DHX15: variants seen among roughly 807,000 people sequenced by gnomAD.
DHX15 encodes the protein DEAH-box helicase 15.
A neutral mutation model predicts 94.4 loss-of-function variants in DHX15; 11 were observed. The ratio of observed to expected loss-of-function variants is 0.12; its 90% CI spans 0.07 to 0.19. The LOEUF (loss-of-function observed/expected upper bound fraction) is 0.19, where lower values mean the gene tolerates loss of function less well. Ranked by LOEUF, DHX15 falls within the 10% of genes least tolerant of loss-of-function variation. The probability of loss-of-function intolerance (pLI) is 1.00; values close to 1 mark genes in which losing one functional copy is unlikely to be tolerated. For missense variants in DHX15, 304 were observed against 988.5 expected (o/e 0.31, Z 9.29); for synonymous variants, 338 against 329.9 (o/e 1.02, Z -0.27).
At chr4:24,528,437 C>T (rs1484161558) in intron 13 of DHX15, among the ~76,000 whole-genome samples, 1 of 152,146 alleles carries the variant, frequency 6.6e-6, no homozygotes, top group Non-Finnish European at 1.5e-5. Context: ...TTTTCATTTT[C>T]AATGTTTTAA....
intron 3 of DHX15, among the ~76,000 whole-genome samples, chr4:24,563,729 C>T (rs1001315068): frequency 1.8e-4 from 27 of 152,142 alleles, no homozygotes; most frequent in African/African-American, 6.0e-4. Context: ...CTTTTGATGT[C>T]GTATTTGTGG....
At chr4:24,550,121 A>C (rs1350509467) in intron 5 of DHX15, among the ~76,000 whole-genome samples, 2 of 132,372 alleles carry the variant, frequency 1.5e-5, no homozygotes, top group Middle Eastern at 4.0e-3. Flanking sequence ...AAAAAAAAAA[A>C]AACGGTAAAA....
chr4:24,546,334 A>G (rs1384592640), intron 6 of DHX15, among the ~76,000 whole-genome samples: 1 of 152,228 alleles, frequency 6.6e-6, no homozygotes, highest in Non-Finnish European at 1.5e-5. Flanking sequence ...AGCGAAATGT[A>G]GGATCAACTA....
intron 5 of DHX15, 74 bp from the exon 6 acceptor site, chr4:24,549,096 C>A: frequency 7.7e-7 from 1 of 1,305,960 alleles, no homozygotes; most frequent in Non-Finnish European, 1.0e-6. Flanking sequence ...TAGTTCTATG[C>A]AGTCTGTTTT....
intron 10 of DHX15, chr4:24,538,348 A>G (rs1721235481): frequency 6.6e-6 from 1 of 152,200 alleles, no homozygotes; most frequent in South Asian, 2.1e-4. Flanking sequence ...AATAGTGACA[A>G]CAAAACATGA....
At chr4:24,549,749 A>G (rs1227619299) in intron 5 of DHX15, among the ~76,000 whole-genome samples, 1 of 152,110 alleles carries the variant, frequency 6.6e-6, no homozygotes, top group African/African-American at 2.4e-5. Flanking sequence ...CTGTAACACA[A>G]TGGGAAGTGT....
In DHX15 at chr4:24,570,816, G is replaced by A. The variant is rs1273200342; in HGVS notation, c.539C>T (p.Ser180Leu). The A allele has an allele frequency of 6.2e-7, 1 of 1,614,140 alleles. No homozygotes were observed. Among genetic ancestry groups the A allele is most frequent in the Non-Finnish European group, 8.5e-7 (1 of 1,180,034 alleles). ...AACTCCTCTCTTGGGTCCTGGTAATGATCGCATGTACTCCACACACCACTG... is the reference window on the plus strand; with the variant it reads ...AACTCCTCTCTTGGGTCCTGGTAATAATCGCATGTACTCCACACACCACTG... ...IPQWCVEYMR[S>L]LPGPKRGVAC... Residue 180 changes from serine to leucine, a missense_variant, in exon 3 of 14, where the codon TCA becomes TTA. Transcript: ENST00000336812.
intron 3 of DHX15, among the ~76,000 whole-genome samples, chr4:24,562,222 C>T (rs754539001): frequency 6.7e-6 from 1 of 150,296 alleles, no homozygotes; most frequent in Non-Finnish European, 1.5e-5. Context: ...TACCCTTGAA[C>T]CTAAAAGTTA....
chr4:24,569,973 A>G (rs1722084910), intron 3 of DHX15, among the ~76,000 whole-genome samples: 1 of 152,256 alleles, frequency 6.6e-6, no homozygotes, highest in Admixed American at 6.5e-5. Flanking sequence ...TAAATATCAC[A>G]TAAATACAGA....
chr4:24,566,339 A>T (rs1721992033), intron 3 of DHX15, among the ~76,000 whole-genome samples: 1 of 152,058 alleles, frequency 6.6e-6, no homozygotes, highest in Non-Finnish European at 1.5e-5. Flanking sequence ...CCTGGCCTCA[A>T]GGTATTTTTA....
At position 24,537,507 on chromosome 4, in the gene DHX15, G is replaced by C. The variant is rs1445411670; in HGVS notation, c.1787-334C>G. On this transcript the variant is annotated intron_variant, in intron 10 of 13. Transcript: ENST00000336812. This position sits in a 1 kb window ranked among gnomAD's most constrained non-coding sequence, Gnocchi z 4.7. ...GTGCTGATAGCTCTACCAATAACCA[G>C]AATAACGGTGTCAATTGCCTTTTAG... The C allele has an allele frequency of 5.7e-6, 1 of 176,330 alleles. No individual in the cohort carries two copies. The highest frequency in any genetic ancestry group is 2.4e-5 in the African/African-American group (1 of 42,314). 10.9% of individuals were successfully genotyped at this position (176,330 alleles called of 1,614,324 possible). A position where few individuals can be genotyped will look rare whatever the true frequency, so the allele number is the denominator to read the frequency against.
rs377051074 is a variant in DHX15 at position 24,527,968 on chromosome 4, G to A, written c.2344C>T (p.Arg782Cys). 3.1e-6 allele frequency: 5 copies of A among 1,613,880 alleles called. No individual in the cohort carries two copies. The highest frequency in any genetic ancestry group is 1.1e-5 in the South Asian group (1 of 91,066). ...PQCEAKRQLD[R>C]IIAKLQSKEY... ...TTGGATTGAAGTTTGGCAATGATGC[G>A]GTCCAACTGTCTCTTTGCTTCACAC... is the stretch of plus-strand genomic sequence containing the variant. Residue 782 changes from arginine (R) to cysteine (C), a missense_variant, in exon 14 of 14, where the codon CGC (arginine) becomes TGC (cysteine). Coordinates refer to ENST00000336812, the MANE Select transcript of DHX15 (RefSeq NM_001358.3).
At chr4:24,564,257 A>G (rs916914271) in intron 3 of DHX15, among the ~76,000 whole-genome samples, 1 of 152,168 alleles carries the variant, frequency 6.6e-6, no homozygotes, top group East Asian at 1.9e-4. Context: ...GTATTTTTTA[A>G]AAGAAACATA....
intron 2 of DHX15, 103 bp downstream of exon 2, chr4:24,576,140 G>T: frequency 1.1e-6 from 1 of 886,882 alleles, no homozygotes; most frequent in Non-Finnish European, 1.7e-6. Flanking sequence ...TCTTCAAGAT[G>T]TTCTATAGGA....
At chr4:24,560,185 A>G (rs373527519) in intron 3 of DHX15, among the ~76,000 whole-genome samples, 1 of 151,960 alleles carries the variant, frequency 6.6e-6, no homozygotes, top group East Asian at 1.9e-4. Context: ...AAAACATTAC[A>G]TCCTGCAAAT....
At chr4:24,543,054 T>C in intron 6 of DHX15, 28 bp from the exon 7 acceptor site, 2 of 1,489,108 alleles carry the variant, frequency 1.3e-6, no homozygotes, top group Non-Finnish European at 1.9e-6. Flanking sequence ...ATATAAATTA[T>C]ATTACATATC....
At chr4:24,581,993 T>C (rs1464487875) in intron 1 of DHX15, among the ~76,000 whole-genome samples, 1 of 152,148 alleles carries the variant, frequency 6.6e-6, no homozygotes. Flanking sequence ...TTCTCAGTAC[T>C]GCAGAAACCC....
chr4:24,547,238 G>A (rs1297878605), intron 6 of DHX15, among the ~76,000 whole-genome samples: 1 of 152,190 alleles, frequency 6.6e-6, no homozygotes, highest in East Asian at 1.9e-4. Flanking sequence ...CACCATCACT[G>A]GATGGCAAAG....
chr4:24,571,880 T>C (rs1012010364), intron 2 of DHX15, among the ~76,000 whole-genome samples: 1 of 152,218 alleles, frequency 6.6e-6, no homozygotes, highest in African/African-American at 2.4e-5. Flanking sequence ...AAATCATATA[T>C]ATCTTTAAAA....
Sources: allele counts gnomAD v4.1 joint callset (sites outside exome capture counted in the v4.1 genomes callset), GRCh38; gene constraint gnomAD v4.1.1; non-coding constraint Gnocchi (gnomAD v3.1); transcripts MANE v1.5; gene names NCBI Gene and HGNC (gene_info 2026-07-23, HGNC 2026-07-21).